DMD: variants seen among roughly 807,000 people sequenced by gnomAD.
DMD encodes the protein dystrophin, also known as mutant dystrophin.
A neutral mutation model predicts 330.1 loss-of-function variants in DMD; 63 were observed. The observed-to-expected ratio is 0.19, with a 90% CI of 0.16 to 0.24. The LOEUF is 0.24. Ranked by LOEUF, DMD falls within the 10% of genes least tolerant of loss-of-function variation. The pLI, the probability that DMD is intolerant of heterozygous loss-of-function variation, is 1.00. For synonymous variants in DMD, 1,223 were observed against 959.8 expected, an observed-to-expected ratio of 1.27 and a Z score of -5.07; for missense variants, 3,344 against 2,684.1, an observed-to-expected ratio of 1.25 and a Z score of -5.43.
At chrX:33,070,401 G>A (rs1017813650) in intron 1 of DMD, among the ~76,000 whole-genome samples, 4 of 109,773 alleles carry the variant, frequency 3.6e-5, no homozygotes, top group Non-Finnish European at 7.6e-5. Flanking sequence ...ATCAATAGAA[G>A]AATTGTATTT....
intron 17 of DMD, among the ~76,000 whole-genome samples, chrX:32,519,391 A>G (rs996565105): frequency 9.0e-6 from 1 of 110,869 alleles, no homozygotes; most frequent in African/African-American, 3.3e-5. Flanking sequence ...AATATTTGAA[A>G]TCCGCTCTTT....
intron 57 of DMD, among the ~76,000 whole-genome samples, chrX:31,488,377 T>C (rs377163471): frequency 1.8e-5 from 2 of 112,357 alleles, no homozygotes; most frequent in African/African-American, 6.5e-5. Flanking sequence ...TTAATTTGTG[T>C]ATGTTCTCAA....
At chrX:32,363,882 C>G (rs1211350049) in intron 36 of DMD, among the ~76,000 whole-genome samples, 1 of 111,659 alleles carries the variant, frequency 9.0e-6, no homozygotes, top group Non-Finnish European at 1.9e-5. Context: ...GAAAAGAGAG[C>G]TGTTAAAATT....
intron 43 of DMD, among the ~76,000 whole-genome samples, chrX:32,277,662 G>A (rs2097395768): frequency 9.0e-6 from 1 of 110,912 alleles, no homozygotes; most frequent in Non-Finnish European, 1.9e-5. Flanking sequence ...CAACAATGAG[G>A]AATTTTGGAA....
In DMD at chrX:32,388,340, C is replaced by A. The variant is rs80051026; in HGVS notation, c.4518+1161G>T. ...AAGGCACTTGGGTCATTTATGCTTT[C>A]CTTTTTTTTTTTTTTGGCAAAATTT... On this transcript the variant is annotated intron_variant, in intron 32 of 78. Coordinates refer to ENST00000357033, the MANE Select transcript of DMD (RefSeq NM_004006.3). Among the ~76,000 whole-genome samples the A allele has an allele frequency of 1.0e-4, 3 of 28,589 alleles. 1 individual carries two copies. Among genetic ancestry groups the A allele is most frequent in the Non-Finnish European group, 1.2e-4 (2 of 16,732 alleles). The allele number at this position is 28,589 out of a possible 115,157, so 24.8% of individuals were successfully genotyped here. A position where few individuals can be genotyped will look rare whatever the true frequency, so the allele number is the denominator to read the frequency against.
At chrX:31,393,259 C>T (rs1390742431) in intron 60 of DMD, among the ~76,000 whole-genome samples, 2 of 110,983 alleles carry the variant, frequency 1.8e-5, no homozygotes, top group Non-Finnish European at 3.8e-5. Flanking sequence ...AGGTGGATCA[C>T]AAGATCAGGA....
rs1371686402 is a variant in DMD at position 32,733,803 on chromosome X, A to G, written c.650-34510T>C. Reference sequence around the variant, plus strand: ...ATTTATAGCACTAAATGCCCACAAGAGAAAGCAGGAAAGATCCAAAATTGA... The same window carrying G: ...ATTTATAGCACTAAATGCCCACAAGGGAAAGCAGGAAAGATCCAAAATTGA... On this transcript the variant is annotated intron_variant, in intron 7 of 78. Coordinates refer to ENST00000357033, the MANE Select transcript of DMD (RefSeq NM_004006.3). Among the ~76,000 whole-genome samples, 4 of 105,045 alleles carry G rather than the reference A, an allele frequency of 3.8e-5. No individual in the cohort carries two copies. In the East Asian group the frequency reaches 9.0e-4, roughly 24 times the overall value. 91.2% of individuals were successfully genotyped at this position (105,045 alleles called of 115,157 possible).
chrX:31,266,981 G>A (rs1323861572), intron 62 of DMD: 23 of 917,993 alleles, frequency 2.5e-5, no homozygotes, highest in Non-Finnish European at 1.2e-5. Context: ...GCGGGCCGGG[G>A]AGGGGGCGCT....
At chrX:31,481,581 G>T (rs1255177944) in intron 57 of DMD, among the ~76,000 whole-genome samples, 1 of 111,864 alleles carries the variant, frequency 8.9e-6, no homozygotes, top group Non-Finnish European at 1.9e-5. Context: ...AACGCTGGGT[G>T]CAATTCAACT....
chrX:32,664,957 A>T (rs755396642), intron 9 of DMD, among the ~76,000 whole-genome samples: 1 of 112,173 alleles, frequency 8.9e-6, no homozygotes, highest in African/African-American at 3.2e-5. Context: ...AGCAGATGCT[A>T]GAAAAACAGG....
chrX:33,199,007 C>A (rs1442376117), intron 1 of DMD, among the ~76,000 whole-genome samples: 1 of 109,494 alleles, frequency 9.1e-6, no homozygotes, highest in East Asian at 2.9e-4. Context: ...AGTAAGGGGG[C>A]GAGGCAAAGG....
intron 28 of DMD, among the ~76,000 whole-genome samples, chrX:32,440,406 T>A (rs1603633518): frequency 1.8e-5 from 2 of 111,629 alleles, no homozygotes; most frequent in African/African-American, 6.5e-5. Flanking sequence ...GGATTACAAA[T>A]TCTATTCTGT....
chrX:32,392,250 A>G (rs1376700227), intron 30 of DMD, among the ~76,000 whole-genome samples: 1 of 110,782 alleles, frequency 9.0e-6, no homozygotes, highest in African/African-American at 3.3e-5. Flanking sequence ...GGCTTTATTT[A>G]TTTATTTAGT....
At chrX:32,408,871 T>TCTAA (rs1280671944) in intron 30 of DMD, among the ~76,000 whole-genome samples, 6 of 97,640 alleles carry the variant, frequency 6.1e-5, no homozygotes. Flanking sequence ...CTTTCATCTA[T>TCTAA]CTATCTATCT....
At chrX:32,732,612 A>C (rs963539831) in intron 7 of DMD, among the ~76,000 whole-genome samples, 1 of 111,437 alleles carries the variant, frequency 9.0e-6, no homozygotes, top group Admixed American at 9.5e-5. Context: ...AATATTCAAC[A>C]TTCTTAAAGA....
intron 9 of DMD, among the ~76,000 whole-genome samples, chrX:32,654,966 T>G (rs1455901665): frequency 8.9e-6 from 1 of 112,138 alleles, no homozygotes; most frequent in Non-Finnish European, 1.9e-5. Flanking sequence ...CTGATGGTAG[T>G]TTGAATTTCT....
In DMD at chrX:32,921,684, C is replaced by T. The variant is rs192883994; in HGVS notation, c.94-71864G>A. 3.5e-3 allele frequency among the ~76,000 whole-genome samples: 385 copies of T among 111,575 alleles called. 1 individual carries two copies. The highest frequency in any genetic ancestry group is 0.012 in the African/African-American group (359 of 30,727). ...AATAGGAGAAACAATTTTCTTTATGCGTTCTTTTTTGTTTACCTCTATGAA... is the reference window on the plus strand; with the variant it reads ...AATAGGAGAAACAATTTTCTTTATGTGTTCTTTTTTGTTTACCTCTATGAA... On this transcript the variant is annotated intron_variant, in intron 2 of 78. Transcript: ENST00000357033.
At chrX:31,242,262 CAAAAAAAAAAAAAAA>C (rs72176984) in intron 63 of DMD, among the ~76,000 whole-genome samples, 1 of 24,641 alleles carries the variant, frequency 4.1e-5, no homozygotes, top group African/African-American at 1.2e-4. Flanking sequence ...TCTCAAAAAG[CAAAAAAAAAAAAAAA>C]AAAAAAAAAA....
intron 45 of DMD, among the ~76,000 whole-genome samples, chrX:31,943,009 A>G (rs1437601807): frequency 8.9e-6 from 1 of 112,414 alleles, no homozygotes; most frequent in African/African-American, 3.2e-5. Flanking sequence ...AAGTGTTTGT[A>G]AACTATGGCT....
Sources: gnomAD v4.1 joint callset for allele counts (sites outside exome capture counted in the v4.1 genomes callset) on GRCh38, gnomAD v4.1.1 for gene constraint, MANE v1.5 for transcripts, NCBI Gene and HGNC (gene_info 2026-07-23, HGNC 2026-07-21) for gene names.